KIAA2012: variants seen among roughly 807,000 people sequenced by gnomAD.
KIAA2012 encodes the protein KIAA2012.
In KIAA2012, 125 loss-of-function variants were observed where a neutral mutation model predicts 150.6. That is an observed-to-expected ratio of 0.83 (90% CI 0.72 to 0.96). The LOEUF (loss-of-function observed/expected upper bound fraction) is 0.96, where lower values mean the gene tolerates loss of function less well. Ranked by LOEUF, KIAA2012 falls within the 40% of genes least tolerant of loss-of-function variation. The probability of loss-of-function intolerance (pLI) is 0.00; values close to 1 mark genes in which losing one functional copy is unlikely to be tolerated. For synonymous variants in KIAA2012, 462 were observed against 504.7 expected, an observed-to-expected ratio of 0.92 and a Z score of 1.13; for missense variants, 1,219 against 1,354.9, an observed-to-expected ratio of 0.90 and a Z score of 1.57.
At chr2:202,183,465 G>C (rs1269436263) in intron 15 of KIAA2012, among the ~76,000 whole-genome samples, 1 of 135,428 alleles carries the variant, frequency 7.4e-6, no homozygotes, top group Non-Finnish European at 1.5e-5. Context: ...GGTTTTTGGG[G>C]GGTTTTTTAA....
At chr2:202,176,165 A>T (rs968377611) in intron 15 of KIAA2012, among the ~76,000 whole-genome samples, 2 of 152,114 alleles carry the variant, frequency 1.3e-5, no homozygotes, top group Non-Finnish European at 2.9e-5. Flanking sequence ...TTTACCTATT[A>T]TTCATAACAC....
chr2:202,184,971 C>G (rs1338996400), intron 16 of KIAA2012, 128 bp downstream of exon 16: 1 of 617,386 alleles, frequency 1.6e-6, no homozygotes, highest in African/African-American at 1.9e-5. Context: ...CTCTAACAGC[C>G]AAAATTAAAT....
At position 202,187,033 on chromosome 2, in the gene KIAA2012, A is replaced by G. The variant is rs1692241982; in HGVS notation, c.2311A>G (p.Arg771Gly). 1.9e-6 allele frequency: 3 copies of G among 1,550,580 alleles called. No homozygotes were observed. The East Asian group carries it at 7.3e-5, about 38-fold the overall frequency. ...LSAVYTSLLP[R>G]EREGKAEPRL... ...TGCTGTGTATACATCTCTTCTTCCA[A>G]GAGAAAGAGAAGGGAAGGCTGAACC... Residue 771 changes from arginine to glycine, a missense_variant, in exon 17 of 24, where the codon AGA (arginine) becomes GGA (glycine). Transcript: ENST00000498697.
chr2:202,084,506 G>A (rs1042587870), intron 2 of KIAA2012, among the ~76,000 whole-genome samples: 3 of 150,768 alleles, frequency 2.0e-5, no homozygotes, highest in East Asian at 3.8e-4. Context: ...AGGCCACCCC[G>A]TGCACACTAA....
chr2:202,080,890 G>T (rs562660261), intron 2 of KIAA2012, among the ~76,000 whole-genome samples: 1 of 152,208 alleles, frequency 6.6e-6, no homozygotes, highest in African/African-American at 2.4e-5. Flanking sequence ...TGTACAGTTT[G>T]CTGGCAGTAA....
chr2:202,173,458 A>G (rs1691935976), intron 15 of KIAA2012, among the ~76,000 whole-genome samples: 1 of 152,106 alleles, frequency 6.6e-6, no homozygotes, highest in South Asian at 2.1e-4. Flanking sequence ...AATCCCAGCT[A>G]CTCAGGAGGC....
Position 202,188,215 on chromosome 2 carries a change from C to T in KIAA2012, c.2440C>T (p.Pro814Ser). The T allele has an allele frequency of 1.2e-5, 18 of 1,550,442 alleles. No homozygotes were observed. Among genetic ancestry groups the T allele is most frequent in the Non-Finnish European group, 1.6e-5 (18 of 1,146,940 alleles). The change falls in exon 18 of 24, where the codon CCC becomes TCC. Residue 814 changes from proline to serine, a missense_variant. Coordinates refer to ENST00000498697, the MANE Select transcript of KIAA2012 (RefSeq NM_001277372.4). ...EKPKKDKTKGPKSEREGKVYG... is the reference protein window; with the variant it reads ...EKPKKDKTKGSKSEREGKVYG... The stretch of plus-strand genomic sequence containing the variant: ...ACCCAAGAAAGACAAAACCAAAGGA[C>T]CCAAAAGCGAGAGAGAAGGAAAGGT...
chr2:202,190,599 C>G, intron 19 of KIAA2012, 106 bp downstream of exon 19: 1 of 814,610 alleles, frequency 1.2e-6, no homozygotes, highest in Non-Finnish European at 1.9e-6. Flanking sequence ...ACTAAAACAG[C>G]TCGACCACCT....
At chr2:202,148,731 G>A (rs553974868) in intron 13 of KIAA2012, among the ~76,000 whole-genome samples, 1 of 152,278 alleles carries the variant, frequency 6.6e-6, no homozygotes, top group Admixed American at 6.5e-5. Context: ...CTGCACACTG[G>A]AGGCCTCCTC....
chr2:202,191,335 G>A (rs147381859), intron 19 of KIAA2012, among the ~76,000 whole-genome samples: 12 of 152,210 alleles, frequency 7.9e-5, no homozygotes, highest in Non-Finnish European at 1.6e-4. Flanking sequence ...TGCTTCTAAT[G>A]TGGAGGTCTG....
At position 202,083,036 on chromosome 2, in the gene KIAA2012, G is replaced by A. The variant is rs374249906; in HGVS notation, c.370-7734G>A. On this transcript the variant is annotated intron_variant, in intron 2 of 23. Transcript: ENST00000498697. ...ACCTGAAGCCTAATTTTTGCTGCTAGCAATCCTAGTTGTACCTTTACATTT... is the reference window on the plus strand; with the variant it reads ...ACCTGAAGCCTAATTTTTGCTGCTAACAATCCTAGTTGTACCTTTACATTT... 3.3e-5 allele frequency among the ~76,000 whole-genome samples: 5 copies of A among 152,274 alleles called. No individual in the cohort carries two copies. In the East Asian group the frequency reaches 7.7e-4, roughly 23 times the overall value.
At chr2:202,162,266 TTTTG>T (rs1422259997) in intron 14 of KIAA2012, among the ~76,000 whole-genome samples, 2 of 152,018 alleles carry the variant, frequency 1.3e-5, no homozygotes, top group East Asian at 1.9e-4. Flanking sequence ...TTCAGAGTCT[TTTTG>T]TTTGTTTGCT....
chr2:202,168,822 C>T (rs1035908196), intron 15 of KIAA2012, among the ~76,000 whole-genome samples: 7 of 151,920 alleles, frequency 4.6e-5, no homozygotes, highest in Admixed American at 2.6e-4. Flanking sequence ...TAAGGAGCAG[C>T]CTGGAACAAT....
intron 15 of KIAA2012, among the ~76,000 whole-genome samples, chr2:202,171,847 CTTTTTT>C (rs60916677): frequency 8.6e-6 from 1 of 116,722 alleles, no homozygotes. Context: ...TTGGCATTTA[CTTTTTT>C]TTTTTTTTTT....
chr2:202,196,493 C>T (rs1179104560), intron 21 of KIAA2012, among the ~76,000 whole-genome samples: 1 of 151,890 alleles, frequency 6.6e-6, no homozygotes, highest in African/African-American at 2.4e-5. Flanking sequence ...CCACGCCCGG[C>T]CAGGAAGCAC....
chr2:202,128,965 C>T (rs1244817816), intron 12 of KIAA2012, among the ~76,000 whole-genome samples: 1 of 152,010 alleles, frequency 6.6e-6, no homozygotes, highest in Non-Finnish European at 1.5e-5. Context: ...CGCAATGGCT[C>T]ACACCTGTCT....
At chr2:202,087,006 T>G (rs973725144) in intron 2 of KIAA2012, among the ~76,000 whole-genome samples, 1 of 152,182 alleles carries the variant, frequency 6.6e-6, no homozygotes, top group Middle Eastern at 3.2e-3. Context: ...TGATTACCAA[T>G]GGTTGAAGTT....
chr2:202,191,271 C>T lies in KIAA2012; in HGVS notation c.2811+778C>T, dbSNP rs142789247. ...CAACCTGGGCGACAGAGAGAGACTC[C>T]ATCTAAAAAAAACAAAACCACAAGA... On this transcript the variant is annotated intron_variant, in intron 19 of 23. Coordinates refer to ENST00000498697, the MANE Select transcript of KIAA2012 (RefSeq NM_001277372.4). 2.1e-3 allele frequency among the ~76,000 whole-genome samples: 319 copies of T among 151,860 alleles called. 1 individual carries two copies. The highest frequency in any genetic ancestry group is 6.8e-3 in the Middle Eastern group (2 of 294).
intron 7 of KIAA2012, among the ~76,000 whole-genome samples, chr2:202,101,330 T>G (rs1369213122): frequency 3.9e-5 from 6 of 152,252 alleles, no homozygotes; most frequent in Admixed American, 3.9e-4. Flanking sequence ...TCAGATTTCC[T>G]GTGTCTGAGT....
Sources: allele counts gnomAD v4.1 joint callset (sites outside exome capture counted in the v4.1 genomes callset), GRCh38; gene constraint gnomAD v4.1.1; transcripts MANE v1.5; gene names NCBI Gene and HGNC (gene_info 2026-07-23, HGNC 2026-07-21).